HMCN2: variants seen among roughly 807,000 people sequenced by gnomAD.
HMCN2 encodes hemicentin 2.
HMCN2 carries 325 observed loss-of-function variants against 377.5 expected under a neutral mutation model. The ratio of observed to expected loss-of-function variants is 0.86; its 90% CI spans 0.79 to 0.94. The LOEUF (loss-of-function observed/expected upper bound fraction) is 0.94. HMCN2 is among the 40% of genes least tolerant of loss of function. The pLI is 0.00. For missense variants in HMCN2, 4,543 were observed against 4,725.3 expected (o/e 0.96, Z 1.13); for synonymous variants, 2,007 against 2,046.8 (o/e 0.98, Z 0.53).
chr9:130,397,627 T>A lies in HMCN2; in HGVS notation c.11298T>A (p.Asp3766Glu). 1 of 1,289,802 alleles carries A rather than the reference T, an allele frequency of 7.8e-7. No homozygotes were observed. The highest frequency in any genetic ancestry group is 1.2e-5 in the South Asian group (1 of 81,020). 79.9% of individuals were successfully genotyped at this position (1,289,802 alleles called of 1,614,324 possible). A position where few individuals can be genotyped will look rare whatever the true frequency, so the allele number is the denominator to read the frequency against. Residue 3766 changes from aspartate (D) to glutamate (E), a missense_variant, in exon 74 of 98, where the codon GAT (aspartate) becomes GAA (glutamate). Transcript: ENST00000683500. ...LCLASNSAGS[D>E]RQGRDLRVLE... ...TGGCATCCAACTCTGCTGGCTCCGA[T>A]CGTCAAGGCCGTGACCTACGGGTCT...
At chr9:130,366,573 C>T (rs1440805939) in intron 43 of HMCN2, among the ~76,000 whole-genome samples, 3 of 148,948 alleles carry the variant, frequency 2.0e-5, no homozygotes, top group African/African-American at 7.4e-5. Context: ...CCTGCCTCAG[C>T]CTCCTGAGTA....
chr9:130,384,554 C>T lies in HMCN2; in HGVS notation c.8992+20C>T, dbSNP rs758305727. On this transcript the variant is annotated intron_variant, in intron 58 of 97. Transcript: ENST00000683500. ...TGCCTGGTGGGTAAACTGAGGTGTC[C>T]GGCCCAGCTCTAAGGTTACATGGGG... The T allele has an allele frequency of 9.2e-6, 12 of 1,304,024 alleles. No individual in the cohort carries two copies. The highest frequency in any genetic ancestry group is 2.1e-4 in the Middle Eastern group (1 of 4,714). 80.8% of individuals were successfully genotyped at this position (1,304,024 alleles called of 1,614,324 possible). A position where few individuals can be genotyped will look rare whatever the true frequency, so the allele number is the denominator to read the frequency against.
intron 25 of HMCN2, among the ~76,000 whole-genome samples, chr9:130,345,138 ACAG>A (rs2131495769): frequency 1.2e-5 from 1 of 86,328 alleles, no homozygotes; most frequent in African/African-American, 4.6e-5. Flanking sequence ...TGGTGTGTGC[ACAG>A]TGTTTGGTGT....
At chr9:130,275,325 A>G (rs1276388710) in intron 1 of HMCN2, among the ~76,000 whole-genome samples, 1 of 152,102 alleles carries the variant, frequency 6.6e-6, no homozygotes, top group Non-Finnish European at 1.5e-5. Context: ...AGGCGTGCAG[A>G]GCAGATGTGT....
At chr9:130,300,746 T>G (rs1306795931) in intron 8 of HMCN2, among the ~76,000 whole-genome samples, 1 of 152,232 alleles carries the variant, frequency 6.6e-6, no homozygotes, top group African/African-American at 2.4e-5. Context: ...GGTCTGTTGG[T>G]TCCCGTATGT....
chr9:130,355,362 G>A (rs1015550299), intron 32 of HMCN2, among the ~76,000 whole-genome samples: 4 of 152,192 alleles, frequency 2.6e-5, no homozygotes, highest in East Asian at 1.9e-4. Flanking sequence ...TCCTAAGGCC[G>A]GCTTGTGGGT....
chr9:130,419,024 C>A lies in HMCN2; in HGVS notation c.13214C>A (p.Ala4405Glu). The A allele has an allele frequency of 2.0e-6, 3 of 1,488,306 alleles. No homozygotes were observed. Among genetic ancestry groups the A allele is most frequent in the Non-Finnish European group, 1.8e-6 (2 of 1,114,472 alleles). 92.2% of individuals were successfully genotyped at this position (1,488,306 alleles called of 1,614,324 possible). A position where few individuals can be genotyped will look rare whatever the true frequency, so the allele number is the denominator to read the frequency against. The change falls in exon 86 of 98, where the codon GCG becomes GAG. Residue 4405 changes from alanine to glutamate, a missense_variant. Physicochemically the swap from Ala to Glu is moderately radical, Grantham distance 107 (BLOSUM62 -1). Around this residue, in one of 5 missense-constraint regions of HMCN2, gnomAD observed 1,155 missense variants for 1,157.7 expected, o/e 1.00. Coordinates refer to ENST00000683500, the MANE Select transcript of HMCN2 (RefSeq NM_001291815.2). ...CTCCTGGGCTCTGCCACAGCCCGGG[C>A]GTTCCTGGTCGTGAGAGGTATGGGG... ...HNLLGSATAR[A>E]FLVVRGEPQG...
At chr9:130,345,830 C>T (rs1225632911) in intron 25 of HMCN2, among the ~76,000 whole-genome samples, 1 of 151,920 alleles carries the variant, frequency 6.6e-6, no homozygotes, top group Admixed American at 6.5e-5. Context: ...CTCATGCCAG[C>T]AGGGAGGGTC....
At chr9:130,282,177 C>T (rs1835157536) in intron 1 of HMCN2, among the ~76,000 whole-genome samples, 1 of 152,226 alleles carries the variant, frequency 6.6e-6, no homozygotes, top group African/African-American at 2.4e-5. Context: ...AGAACACCCG[C>T]TGGAGCCTGG....
intron 4 of HMCN2, among the ~76,000 whole-genome samples, chr9:130,289,674 G>A (rs1450458683): frequency 2.0e-5 from 3 of 152,218 alleles, no homozygotes; most frequent in African/African-American, 4.8e-5. Flanking sequence ...CCACCCCCCC[G>A]TGCTTCAATG....
Position 130,427,335 on chromosome 9 carries a change from C to T in HMCN2, c.13902C>T (p.Pro4634=), listed in dbSNP as rs971697030. 13 of 1,550,448 alleles carry T rather than the reference C, an allele frequency of 8.4e-6. No individual in the cohort carries two copies. Among genetic ancestry groups the T allele is most frequent in the African/African-American group, 4.1e-5 (3 of 73,052 alleles). Residue 4634 remains proline (P), a synonymous_variant, in exon 91 of 98, where the codon CCC becomes CCT. Transcript: ENST00000683500. The part of the protein sequence containing the change: ...LQAEENEVGC[P]EGFELDSQGA... ...CAGAGGAGAACGAGGTCGGCTGCCC[C>T]GAGGGCTTTGAGCTGGACTCCCAGG... is the stretch of plus-strand genomic sequence containing the variant.
intron 22 of HMCN2, among the ~76,000 whole-genome samples, chr9:130,328,762 C>A (rs1460924128): frequency 6.6e-6 from 1 of 152,180 alleles, no homozygotes; most frequent in East Asian, 1.9e-4. Flanking sequence ...CTCCTCTTGG[C>A]CTGTTCCTCC....
chr9:130,320,555 C>G (rs1378947428), intron 17 of HMCN2, 104 bp downstream of exon 17: 1 of 152,402 alleles, frequency 6.6e-6, no homozygotes, highest in Non-Finnish European at 1.5e-5. Flanking sequence ...CTCTCCTGGC[C>G]CATCTGTTGG....
chr9:130,357,059 A>AGGATGGAT (rs201419400), intron 34 of HMCN2, among the ~76,000 whole-genome samples: 14,533 of 105,902 alleles, frequency 0.14, 941 homozygotes, highest in Non-Finnish European at 0.18. Context: ...GATAGAAGGG[A>AGGATGGAT]GGATGGATGG....
rs1470284140 is a variant in HMCN2, at chr9:130,376,544, C to T, written c.7947C>T (p.Pro2649=). 1 of 985,930 alleles carries T rather than the reference C, an allele frequency of 1.0e-6. No homozygotes were observed. The highest frequency in any genetic ancestry group is 1.1e-4 in the East Asian group (1 of 8,792). The allele number at this position is 985,930 out of a possible 1,614,324, so 61.1% of individuals were successfully genotyped here. ...LIPPSISKDD[P]LAEVGVKEVK... ...CCCCTTCCATCTCCAAAGACGACCC[C>T]TTGGCGGAGGTCGGCGTGAAGGAGG... The change falls in exon 52 of 98, where the codon CCC becomes CCT. Residue 2649 remains proline (P), a synonymous_variant. Coordinates refer to ENST00000683500, the MANE Select transcript of HMCN2 (RefSeq NM_001291815.2).
At position 130,394,912 on chromosome 9, in the gene HMCN2, A is replaced by C. The variant is rs1334796841; in HGVS notation, c.10693-115A>C. The C allele has an allele frequency of 1.7e-6, 1 of 601,700 alleles. No homozygotes were observed. The allele number at this position is 601,700 out of a possible 1,614,324, so 37.3% of individuals were successfully genotyped here. Reference sequence around the variant, plus strand: ...GTGGGTTGGCTGGGAGGTGGATGGCAGACCTCGCAGGGCTGAGTTTGAATC... The same window carrying C: ...GTGGGTTGGCTGGGAGGTGGATGGCCGACCTCGCAGGGCTGAGTTTGAATC... On this transcript the variant is annotated intron_variant, in intron 69 of 97. Transcript: ENST00000683500. This position sits in a 1 kb window ranked among gnomAD's most constrained non-coding sequence, Gnocchi z 5.1.
intron 56 of HMCN2, among the ~76,000 whole-genome samples, chr9:130,383,267 T>TTG (rs1554962776): frequency 6.6e-6 from 1 of 151,482 alleles, no homozygotes; most frequent in Non-Finnish European, 1.5e-5. Context: ...TCCACAGGGG[T>TTG]GGGGGAGGCT....
rs1843588150 is a variant in HMCN2 at position 130,414,532 on chromosome 9, C to T, written c.12961+3880C>T. Among the ~76,000 whole-genome samples, 1 of 152,068 alleles carries T rather than the reference C, an allele frequency of 6.6e-6. No individual in the cohort carries two copies. On this transcript the variant is annotated intron_variant, in intron 85 of 97. Coordinates refer to ENST00000683500, the MANE Select transcript of HMCN2 (RefSeq NM_001291815.2). This position sits in a 1 kb window ranked among gnomAD's most constrained non-coding sequence, Gnocchi z 4.4. Reference sequence around the variant, plus strand: ...AACAAGGAAAAGCTCAACTTACACACCAGGAACAAGGAAAATCTCAATGAA... The same window carrying T: ...AACAAGGAAAAGCTCAACTTACACATCAGGAACAAGGAAAATCTCAATGAA...
intron 94 of HMCN2, 122 bp from the exon 95 acceptor site, chr9:130,430,162 A>C: frequency 1.2e-6 from 1 of 801,208 alleles, no homozygotes; most frequent in Non-Finnish European, 1.9e-6. Context: ...GCTCACATGC[A>C]GCATGGGAGT....
Sources: allele counts gnomAD v4.1 joint callset (sites outside exome capture counted in the v4.1 genomes callset), GRCh38; gene constraint gnomAD v4.1.1; regional missense constraint gnomAD v4.1.1; non-coding constraint Gnocchi (gnomAD v3.1); transcripts MANE v1.5; gene names NCBI Gene and HGNC (gene_info 2026-07-23, HGNC 2026-07-21).